Variants in ZMYND11 observed in about 807,000 individuals in gnomAD.
ZMYND11 encodes zinc finger MYND-type containing 11.
ZMYND11 carries 9 observed loss-of-function variants against 84.9 expected under a neutral mutation model. That is an observed-to-expected ratio of 0.11 (90% confidence interval 0.06 to 0.18). The LOEUF (loss-of-function observed/expected upper bound fraction) is 0.18, where lower values mean the gene tolerates loss of function less well. Ranked by LOEUF, ZMYND11 falls within the 10% of genes least tolerant of loss-of-function variation. The pLI, the probability that ZMYND11 is intolerant of heterozygous loss-of-function variation, is 1.00. For missense variants in ZMYND11, 409 were observed against 761.0 expected, an observed-to-expected ratio of 0.54 and a Z score of 5.44; for synonymous variants, 250 against 244.1, an observed-to-expected ratio of 1.02 and a Z score of -0.23.
Position 246,817 on chromosome 10 carries a change from G to A in ZMYND11, c.1002G>A (p.Arg334=), listed in dbSNP as rs767138382. 1.9e-5 allele frequency: 30 copies of A among 1,614,028 alleles called. No homozygotes were observed. The highest frequency in any genetic ancestry group is 1.6e-4 in the Middle Eastern group (1 of 6,084). Residue 334 remains arginine (R), a synonymous_variant, in exon 11 of 15, where the codon CGG becomes CGA. Coordinates refer to ENST00000381604, the MANE Select transcript of ZMYND11 (RefSeq NM_001370100.5). ...NIQDITVNIH[R]LHVKRSMGWK... ...AAGATATCACAGTCAACATTCATCGGCTGCACGTGAAGCGCAGTATGGGTT... is the reference window on the plus strand; with the variant it reads ...AAGATATCACAGTCAACATTCATCGACTGCACGTGAAGCGCAGTATGGGTT...
intron 1 of ZMYND11, among the ~76,000 whole-genome samples, chr10:169,390 G>A (rs557685802): frequency 6.6e-6 from 1 of 152,132 alleles, no homozygotes; most frequent in African/African-American, 2.4e-5. Context: ...TGACCTTTCA[G>A]CAAAAAATCA....
intron 4 of ZMYND11, among the ~76,000 whole-genome samples, chr10:234,519 C>T (rs1949583614): frequency 6.6e-6 from 1 of 152,332 alleles, no homozygotes; most frequent in African/African-American, 2.4e-5. Flanking sequence ...ATTAAAGGAA[C>T]TATAACCCCA....
intron 1 of ZMYND11, among the ~76,000 whole-genome samples, chr10:178,113 A>G (rs1207978526): frequency 1.3e-5 from 2 of 152,184 alleles, no homozygotes; most frequent in East Asian, 3.8e-4. Context: ...ATTTTACCTC[A>G]GCGAGAAGTA....
At chr10:232,737 C>T (rs1320300494) in intron 4 of ZMYND11, among the ~76,000 whole-genome samples, 1 of 152,194 alleles carries the variant, frequency 6.6e-6, no homozygotes, top group Admixed American at 6.5e-5. Flanking sequence ...CTGTGAAATT[C>T]CGTTTGGTCA....
chr10:247,314 A>T (rs1309857664), intron 11 of ZMYND11, 84 bp from the exon 12 acceptor site: 3 of 1,434,230 alleles, frequency 2.1e-6, no homozygotes, highest in African/African-American at 2.8e-5. Context: ...TTCACTTCTC[A>T]CCTGTGGGTC....
chr10:183,052 C>T (rs1848208160), intron 2 of ZMYND11, among the ~76,000 whole-genome samples: 1 of 152,026 alleles, frequency 6.6e-6, no homozygotes, highest in African/African-American at 2.4e-5. Flanking sequence ...TGAGTGACGC[C>T]ATTATAAAAA....
upstream of ZMYND11, among the ~76,000 whole-genome samples, chr10:132,287 A>AAT (rs1835329297): frequency 6.7e-6 from 1 of 148,700 alleles, no homozygotes. Flanking sequence ...TATGTAATAT[A>AAT]ATATATATAT....
intron 4 of ZMYND11, among the ~76,000 whole-genome samples, chr10:235,038 G>A (rs1282220037): frequency 3.3e-5 from 5 of 151,562 alleles, no homozygotes; most frequent in Admixed American, 2.6e-4. Context: ...TGTTAAAAAG[G>A]AGAGTGGTTT....
intron 2 of ZMYND11, among the ~76,000 whole-genome samples, chr10:197,356 T>C (rs967879309): frequency 6.6e-6 from 1 of 152,348 alleles, no homozygotes; most frequent in African/African-American, 2.4e-5. Context: ...CTCTTTTTTT[T>C]CAAAAATATT....
chr10:247,444 A>C lies in ZMYND11; in HGVS notation c.1205A>C (p.Gln402Pro). The change falls in exon 12 of 15, where the codon CAA becomes CCA. Residue 402 changes from glutamine (Q) to proline (P), a missense_variant. Around this residue, in one of 7 missense-constraint regions of ZMYND11, gnomAD observed 19 missense variants for 60.5 expected, o/e 0.31. Transcript: ENST00000381604. ...AGAGCAAAGAAAGGACGACGTAATC[A>C]AAGTGTGGAGCCCAAAAAGGAAGTA... is the stretch of plus-strand genomic sequence containing the variant. ...EPRAKKGRRN[Q>P]SVEPKKEEPE... 1 of 1,614,184 alleles carries C rather than the reference A, an allele frequency of 6.2e-7. No homozygotes were observed. The highest frequency in any genetic ancestry group is 8.5e-7 in the Non-Finnish European group (1 of 1,180,012).
upstream of ZMYND11, among the ~76,000 whole-genome samples, chr10:132,984 C>A (rs531327822): frequency 1.3e-5 from 2 of 152,314 alleles, no homozygotes; most frequent in Non-Finnish European, 2.9e-5. Flanking sequence ...ACTAGCACAG[C>A]AATTAGTTAC....
intron 1 of ZMYND11, among the ~76,000 whole-genome samples, chr10:147,287 TGAATA>T (rs1327941700): frequency 2.0e-5 from 3 of 152,202 alleles, no homozygotes; most frequent in African/African-American, 7.2e-5. Flanking sequence ...AGTACTGTGT[TGAATA>T]GAAGTGTTGA....
At chr10:239,576 T>C in intron 7 of ZMYND11, 51 bp downstream of exon 7, 2 of 1,241,594 alleles carry the variant, frequency 1.6e-6, no homozygotes, top group Non-Finnish European at 2.3e-6. Context: ...ACCATTTACA[T>C]TCCATGTTGA....
At chr10:167,232 G>A (rs1473913157) in intron 1 of ZMYND11, among the ~76,000 whole-genome samples, 3 of 151,850 alleles carry the variant, frequency 2.0e-5, no homozygotes, top group African/African-American at 7.3e-5. Context: ...TGGGTAAGAT[G>A]GCAAATTCTA....
chr10:185,900 G>A (rs1938253630), intron 2 of ZMYND11, among the ~76,000 whole-genome samples: 1 of 151,540 alleles, frequency 6.6e-6, no homozygotes, highest in African/African-American at 2.4e-5. Context: ...GGAGCCAAAA[G>A]CAAATAATTC....
chr10:148,948 A>G (rs1457368758), intron 1 of ZMYND11, among the ~76,000 whole-genome samples: 2 of 152,236 alleles, frequency 1.3e-5, no homozygotes, highest in Non-Finnish European at 2.9e-5. Context: ...ATTACCAGAT[A>G]CATTCAAGAA....
At chr10:187,693 C>T (rs1200068552) in intron 2 of ZMYND11, among the ~76,000 whole-genome samples, 1 of 151,388 alleles carries the variant, frequency 6.6e-6, no homozygotes, top group Non-Finnish European at 1.5e-5. Context: ...AACATTTTGG[C>T]ATGGAAAATA....
intron 3 of ZMYND11, among the ~76,000 whole-genome samples, chr10:212,527 CAAAT>C (rs1013244296): frequency 1.3e-4 from 20 of 150,690 alleles, no homozygotes; most frequent in African/African-American, 4.9e-4. Context: ...TCGTATGTCA[CAAAT>C]AAACAGGGGT....
chr10:184,899 GTTTTT>G (rs34092762), intron 2 of ZMYND11, among the ~76,000 whole-genome samples: 3 of 150,642 alleles, frequency 2.0e-5, no homozygotes, highest in African/African-American at 7.3e-5. Context: ...TCTTTTCCCC[GTTTTT>G]TTTTGTGGAA....
Sources: allele counts gnomAD v4.1 joint callset (sites outside exome capture counted in the v4.1 genomes callset), GRCh38; gene constraint gnomAD v4.1.1; regional missense constraint gnomAD v4.1.1; transcripts MANE v1.5; gene names NCBI Gene and HGNC (gene_info 2026-07-23, HGNC 2026-07-21).